The following IGFN1 variants were observed in gnomAD, a reference collection of about 807,000 sequenced individuals.
The protein encoded by IGFN1 is immunoglobulin-like and fibronectin type III domain-containing protein 1.
IGFN1 carries 253 observed loss-of-function variants against 289.5 expected under a neutral mutation model. The ratio of observed to expected loss-of-function variants is 0.87; its 90% CI spans 0.79 to 0.97. The LOEUF (loss-of-function observed/expected upper bound fraction) is 0.97. Among genes scored for constraint, IGFN1 ranks in the 50% least tolerant of loss-of-function variants. IGFN1 has a pLI of 0.00. For synonymous variants in IGFN1, 1,706 were observed against 1,788.5 expected, an observed-to-expected ratio of 0.95 and a Z score of 1.16; for missense variants, 4,470 against 4,686.1, an observed-to-expected ratio of 0.95 and a Z score of 1.35.
In IGFN1 at chr1:201,221,490, C is replaced by T. The variant is rs1224990681; in HGVS notation, c.9945C>T (p.Asn3315=). The T allele has an allele frequency of 2.5e-6, 4 of 1,612,546 alleles. No individual in the cohort carries two copies. The highest frequency in any genetic ancestry group is 1.3e-5 in the African/African-American group (1 of 75,042). ...ATCTCCAAGTCACAGACAGATCGAA[C>T]ACCAGCATCACTCTGAGCTGGGCTG... is the stretch of plus-strand genomic sequence containing the variant. ...VRNLQVTDRS[N]TSITLSWAGP... Residue 3315 remains asparagine, a synonymous_variant, in exon 19 of 24, where the codon AAC becomes AAT. Coordinates refer to ENST00000335211, the MANE Select transcript of IGFN1 (RefSeq NM_001164586.2).
chr1:201,201,855 T>TGGGGGGGATTGGGGG, intron 9 of IGFN1, 23 bp downstream of exon 9: 1 of 746,318 alleles, frequency 1.3e-6, no homozygotes, highest in Non-Finnish European at 2.3e-6. Flanking sequence ...GGGCTATGGG[T>TGGGGGGGATTGGGGG]GGGGGGGATC....
At chr1:201,194,084 A>G in intron 2 of IGFN1, 70 bp from the exon 3 acceptor site, 4 of 1,524,902 alleles carry the variant, frequency 2.6e-6, no homozygotes, top group Non-Finnish European at 3.5e-6. Context: ...GTGGATGCCC[A>G]TTCTGTTGAA....
Position 201,211,949 on chromosome 1 carries a change from A to G in IGFN1, c.7056A>G (p.Pro2352=). 1.3e-6 allele frequency: 2 copies of G among 1,530,236 alleles called. No homozygotes were observed. Among genetic ancestry groups the G allele is most frequent in the African/African-American group, 2.7e-5 (2 of 72,936 alleles). The allele number at this position is 1,530,236 out of a possible 1,614,324, so 94.8% of individuals were successfully genotyped here. The change falls in exon 12 of 24, where the codon CCA becomes CCG. Residue 2352 remains proline, a synonymous_variant. Coordinates refer to ENST00000335211, the MANE Select transcript of IGFN1 (RefSeq NM_001164586.2). ...GGSGGSGETG[P]EGKMGYGDGS... ...CAGGAGGATCTGGGGAAACGGGACC[A>G]GAGGGTAAGATGGGTTATGGAGATG...
chr1:201,203,677 C>T (rs1205918811), intron 9 of IGFN1, 61 bp from the exon 10 acceptor site: 1 of 1,480,692 alleles, frequency 6.8e-7, no homozygotes, highest in African/African-American at 1.4e-5. Flanking sequence ...CAGAATGGGA[C>T]TGGGGCAGGA....
At chr1:201,221,787 C>T (rs1653758053) in intron 19 of IGFN1, 41 bp downstream of exon 19, 1 of 1,523,226 alleles carries the variant, frequency 6.6e-7, no homozygotes. Context: ...GCCCTGCAGG[C>T]CTCTCCTAAG....
At position 201,211,406 on chromosome 1, in the gene IGFN1, G is replaced by T. The variant is rs551379837; in HGVS notation, c.6513G>T (p.Gly2171=). The T allele has an allele frequency of 1.3e-6, 2 of 1,492,528 alleles. No homozygotes were observed. Among genetic ancestry groups the T allele is most frequent in the East Asian group, 2.7e-5 (1 of 37,370 alleles). The allele number at this position is 1,492,528 out of a possible 1,614,324, so 92.5% of individuals were successfully genotyped here. Residue 2171 remains glycine, a synonymous_variant, in exon 12 of 24, where the codon GGG becomes GGT. Transcript: ENST00000335211. The part of the protein sequence containing the change: ...RDGLGSSGEM[G]SMDEAGYRKD... ...GTTTAGGGAGTTCTGGGGAAATGGG[G>T]TCAATGGATGAGGCAGGTTATAGGA...
intron 8 of IGFN1, among the ~76,000 whole-genome samples, chr1:201,201,115 G>T (rs553741769): frequency 6.6e-6 from 1 of 152,274 alleles, no homozygotes; most frequent in Non-Finnish European, 1.5e-5. Context: ...ACAGGCGTGA[G>T]CCACCGCACC....
In IGFN1 at chr1:201,226,121, G is replaced by A. The variant is rs776150445; in HGVS notation, c.10784G>A (p.Arg3595His). ...CAGCCCTGGTGCATCCCCCGGCAGC[G>A]CGGTAAGCAGCCCCTGAGAGGGAGG... ...TSQPWCIPRQ[R>H]DRFTVKAPCY... Residue 3595 changes from arginine (R) to histidine (H), a missense_variant and splice_region_variant, in exon 22 of 24, where the codon CGC (arginine) becomes CAC (histidine). By Grantham distance (29) the Arg-to-His change is conservative. This residue lies in a region of IGFN1 where 2,218 missense variants were observed against 2,114.1 expected (regional missense o/e 1.05). Coordinates refer to ENST00000335211, the MANE Select transcript of IGFN1 (RefSeq NM_001164586.2). The A allele has an allele frequency of 1.7e-5, 27 of 1,586,258 alleles. No individual in the cohort carries two copies. The highest frequency in any genetic ancestry group is 4.5e-5 in the East Asian group (2 of 44,454).
At chr1:201,205,447 G>C in intron 11 of IGFN1, 93 bp downstream of exon 11, 1 of 1,333,594 alleles carries the variant, frequency 7.5e-7, no homozygotes, top group Non-Finnish European at 1.0e-6. Context: ...GATTTCCTTT[G>C]GTCAGAGAGA....
Position 201,203,583 on chromosome 1 carries a change from G to C in IGFN1, c.748-155G>C, listed in dbSNP as rs528193459. Among the ~76,000 whole-genome samples the C allele has an allele frequency of 6.6e-5, 10 of 152,286 alleles. No individual in the cohort carries two copies. In the East Asian group the frequency reaches 1.7e-3, roughly 26 times the overall value. On this transcript the variant is annotated intron_variant, in intron 9 of 23. Coordinates refer to ENST00000335211, the MANE Select transcript of IGFN1 (RefSeq NM_001164586.2). ...GTTCCCATGTTCTCCAGGCCCTGCT[G>C]TCCACCCCATCCCAGCTCCTCTATG...
In IGFN1 at chr1:201,198,044, A is replaced by G. The variant is rs183408183; in HGVS notation, c.367+727A>G. Among the ~76,000 whole-genome samples the G allele has an allele frequency of 9.3e-4, 141 of 152,352 alleles. 1 individual carries two copies. The highest frequency in any genetic ancestry group is 3.8e-4 in the Non-Finnish European group (26 of 68,028). ...CAGATTGGCTTATCACCTCATGGCC[A>G]TAAGAGGGCTGTGGCAGATTCAAAC... On this transcript the variant is annotated intron_variant, in intron 5 of 23. Transcript: ENST00000335211.
At chr1:201,200,572 C>T (rs191911089) in intron 8 of IGFN1, among the ~76,000 whole-genome samples, 161 bp downstream of exon 8, 1 of 152,154 alleles carries the variant, frequency 6.6e-6, no homozygotes, top group African/African-American at 2.4e-5. Flanking sequence ...CTGGCTAAGG[C>T]CCTGGGATCC....
chr1:201,193,672 G>A (rs886205795), intron 2 of IGFN1, among the ~76,000 whole-genome samples: 5 of 152,140 alleles, frequency 3.3e-5, no homozygotes, highest in African/African-American at 9.7e-5. Flanking sequence ...GGCTGGTCTC[G>A]AATGCCTGAC....
chr1:201,208,340 A>G lies in IGFN1; in HGVS notation c.3447A>G (p.Gly1149=), dbSNP rs550944531. The part of the protein sequence containing the change: ...GGYEDGSGGP[G]AMGPGSLRAG... ...ATGAAGATGGCTCTGGGGGTCCAGG[A>G]GCCATGGGACCAGGGTCTCTGAGGG... Residue 1149 remains glycine (G), a synonymous_variant, in exon 12 of 24, where the codon GGA becomes GGG. Transcript: ENST00000335211. The G allele has an allele frequency of 1.3e-6, 2 of 1,487,434 alleles. No homozygotes were observed. Among genetic ancestry groups the G allele is most frequent in the East Asian group, 2.5e-5 (1 of 40,706 alleles). 92.1% of individuals were successfully genotyped at this position (1,487,434 alleles called of 1,614,324 possible). A position where few individuals can be genotyped will look rare whatever the true frequency, so the allele number is the denominator to read the frequency against.
intron 20 of IGFN1, among the ~76,000 whole-genome samples, chr1:201,224,029 G>A (rs928203273): frequency 2.0e-5 from 3 of 152,264 alleles, no homozygotes; most frequent in Admixed American, 6.5e-5. Flanking sequence ...TAAATTCTCA[G>A]AACAATCCTG....
intron 5 of IGFN1, among the ~76,000 whole-genome samples, chr1:201,198,674 C>A (rs550307007): frequency 8.9e-4 from 135 of 151,160 alleles, no homozygotes; most frequent in African/African-American, 3.1e-3. Context: ...CTATCCTCCC[C>A]CCTCGGCCTC....
intron 15 of IGFN1, 41 bp from the exon 16 acceptor site, chr1:201,216,413 T>C (rs1653289142): frequency 2.7e-6 from 4 of 1,491,918 alleles, no homozygotes; most frequent in Non-Finnish European, 3.6e-6. Flanking sequence ...CTCCAGCTCC[T>C]CTGACCCCTC....
chr1:201,197,343 A>C, intron 5 of IGFN1, 26 bp downstream of exon 5: 17 of 1,430,934 alleles, frequency 1.2e-5, no homozygotes, highest in Non-Finnish European at 1.6e-5. Flanking sequence ...AGTTTGTCTC[A>C]TCAGTGCACA....
chr1:201,194,838 T>G (rs1666822762), intron 3 of IGFN1, among the ~76,000 whole-genome samples: 1 of 152,224 alleles, frequency 6.6e-6, no homozygotes, highest in East Asian at 1.9e-4. Context: ...GTTCATAGCA[T>G]CCTGGTAATA....
Sources: allele counts gnomAD v4.1 joint callset (sites outside exome capture counted in the v4.1 genomes callset), GRCh38; gene constraint gnomAD v4.1.1; regional missense constraint gnomAD v4.1.1; transcripts MANE v1.5; gene names NCBI Gene and HGNC (gene_info 2026-07-23, HGNC 2026-07-21).